SEM1: variants seen among roughly 807,000 people sequenced by gnomAD.
SEM1 encodes the protein SEM1 26S proteasome subunit.
SEM1 carries 3 observed loss-of-function variants against 12.7 expected under a neutral mutation model. The observed-to-expected ratio is 0.24, with a 90% CI of 0.11 to 0.61. SEM1 has a LOEUF of 0.61. SEM1 is among the 20% of genes least tolerant of loss of function. SEM1 has a pLI of 0.88. For missense variants in SEM1, 59 were observed against 81.3 expected (o/e 0.73, Z 1.06); for synonymous variants, 30 against 27.8 (o/e 1.08, Z -0.25).
chr7:96,633,162 T>C (rs1160913635), intron 2 of SEM1, among the ~76,000 whole-genome samples: 1 of 152,114 alleles, frequency 6.6e-6, no homozygotes, highest in Non-Finnish European at 1.5e-5. Context: ...CCTCAGCTAA[T>C]TGTCATATGC....
chr7:96,490,334 G>A (rs1802955744), intron 1 of SEM1, among the ~76,000 whole-genome samples: 1 of 152,106 alleles, frequency 6.6e-6, no homozygotes, highest in African/African-American at 2.4e-5. Flanking sequence ...GTATTTCTTT[G>A]TAGAAAGACT....
chr7:96,497,006 T>TACACAC (rs762508661), upstream of SEM1, among the ~76,000 whole-genome samples: 255 of 95,870 alleles, frequency 2.7e-3, no homozygotes, highest in African/African-American at 0.013. Flanking sequence ...CACGAGCACG[T>TACACAC]ATACACACAC....
chr7:96,575,180 T>C (rs1169376690), intron 2 of SEM1, among the ~76,000 whole-genome samples: 2 of 151,782 alleles, frequency 1.3e-5, no homozygotes, highest in Non-Finnish European at 2.9e-5. Context: ...ATGTTGATGC[T>C]ATTGCTTTCT....
intron 2 of SEM1, among the ~76,000 whole-genome samples, chr7:96,641,395 TACTTA>T (rs1023755649): frequency 6.6e-6 from 1 of 152,046 alleles, no homozygotes; most frequent in Non-Finnish European, 1.5e-5. Context: ...TACTTTATTT[TACTTA>T]ACTTCTTGAG....
chr7:96,557,545 C>T (rs1376009438), intron 2 of SEM1, among the ~76,000 whole-genome samples: 2 of 88,446 alleles, frequency 2.3e-5, no homozygotes, highest in South Asian at 4.7e-4. Context: ...GCAGTCTGCC[C>T]GTTCTCGTAT....
At chr7:96,541,443 GT>G (rs61049763) in intron 2 of SEM1, among the ~76,000 whole-genome samples, 20,302 of 102,264 alleles carry the variant, frequency 0.2, 1,297 homozygotes, top group Middle Eastern at 0.29. Context: ...TTTTTTTTTT[GT>G]TTTTTTTTTT....
chr7:96,487,954 T>A (rs1802839222), intron 1 of SEM1, among the ~76,000 whole-genome samples: 1 of 150,146 alleles, frequency 6.7e-6, no homozygotes, highest in Non-Finnish European at 1.5e-5. Context: ...AAGGCAGATG[T>A]CCCCAAGCTA....
At chr7:96,597,796 C>T (rs1807051413) in intron 2 of SEM1, among the ~76,000 whole-genome samples, 1 of 151,940 alleles carries the variant, frequency 6.6e-6, no homozygotes, top group Non-Finnish European at 1.5e-5. Flanking sequence ...TGTACCCAAT[C>T]CACCTAGTTA....
intron 2 of SEM1, among the ~76,000 whole-genome samples, chr7:96,541,301 T>C (rs1418366027): frequency 6.6e-6 from 1 of 151,824 alleles, no homozygotes; most frequent in Non-Finnish European, 1.5e-5. Flanking sequence ...TGTGCAGTGA[T>C]GTCTCTTAGT....
At chr7:96,653,202 C>T (rs1350076660) in intron 2 of SEM1, among the ~76,000 whole-genome samples, 2 of 152,148 alleles carry the variant, frequency 1.3e-5, no homozygotes, top group African/African-American at 4.8e-5. Flanking sequence ...GTGCAGACAA[C>T]TGTGGTACAC....
intron 2 of SEM1, among the ~76,000 whole-genome samples, chr7:96,548,855 C>T (rs1193389789): frequency 6.6e-6 from 1 of 152,104 alleles, no homozygotes; most frequent in African/African-American, 2.4e-5. Context: ...AATATGTGCT[C>T]AGCAACAGAA....
chr7:96,503,622 C>A (rs1048920905), intron 3 of SEM1: 2 of 152,082 alleles, frequency 1.3e-5, no homozygotes, highest in Non-Finnish European at 2.9e-5. Context: ...GCTGAAATAA[C>A]ACAGGGTTTC....
chr7:96,519,803 G>A (rs908716904), intron 2 of SEM1, among the ~76,000 whole-genome samples: 26 of 152,212 alleles, frequency 1.7e-4, no homozygotes, highest in African/African-American at 6.0e-4. Context: ...TATCCATGCA[G>A]GTAAGGGGGG....
At chr7:96,526,903 T>G (rs1368761295) in intron 2 of SEM1, among the ~76,000 whole-genome samples, 1 of 151,974 alleles carries the variant, frequency 6.6e-6, no homozygotes, top group African/African-American at 2.4e-5. Context: ...TCCCTTACTC[T>G]AAAAATGTAA....
chr7:96,655,362 C>G (rs1809143386), intron 2 of SEM1, among the ~76,000 whole-genome samples: 1 of 151,912 alleles, frequency 6.6e-6, no homozygotes, highest in African/African-American at 2.4e-5. Flanking sequence ...TTACATTGAT[C>G]AGCTGTTGGA....
intron 1 of SEM1, among the ~76,000 whole-genome samples, chr7:96,704,441 T>G (rs1790383432): frequency 6.6e-6 from 1 of 152,152 alleles, no homozygotes; most frequent in Non-Finnish European, 1.5e-5. Flanking sequence ...AAAGAGGAAG[T>G]TAAGTAACTA....
At chr7:96,499,504 T>C (rs79252664), upstream of SEM1, among the ~76,000 whole-genome samples, 5,200 of 152,210 alleles carry the variant, frequency 0.034, 299 homozygotes, top group African/African-American at 0.12. Context: ...TGCATGAGGG[T>C]TCCTTATGTG....
chr7:96,657,149 A>G (rs1809208194), intron 2 of SEM1, among the ~76,000 whole-genome samples: 1 of 152,150 alleles, frequency 6.6e-6, no homozygotes, highest in South Asian at 2.1e-4. Context: ...AGGCAAAGGA[A>G]TCTCCTACCT....
intron 2 of SEM1, among the ~76,000 whole-genome samples, chr7:96,635,659 G>C (rs768092529): frequency 2.0e-5 from 3 of 152,120 alleles, no homozygotes; most frequent in Non-Finnish European, 4.4e-5. Flanking sequence ...GCACTACCTA[G>C]CTTGAAAAGA....
Sources: gnomAD v4.1 joint callset for allele counts (sites outside exome capture counted in the v4.1 genomes callset) on GRCh38, gnomAD v4.1.1 for gene constraint, MANE v1.5 for transcripts, NCBI Gene and HGNC (gene_info 2026-07-23, HGNC 2026-07-21) for gene names.